Variants in CACNB2 observed in about 807,000 individuals in gnomAD.
CACNB2 encodes the protein calcium voltage-gated channel auxiliary subunit beta 2.
In CACNB2, 42 loss-of-function variants were observed where a neutral mutation model predicts 73.3. That is an observed-to-expected ratio of 0.57 (90% CI 0.45 to 0.74). The LOEUF is 0.74. CACNB2 is among the 30% of genes least tolerant of loss of function. The probability of loss-of-function intolerance (pLI) is 0.00; values close to 1 mark genes in which losing one functional copy is unlikely to be tolerated. For missense variants in CACNB2, 940 were observed against 853.0 expected, an observed-to-expected ratio of 1.10 and a Z score of -1.27; for synonymous variants, 348 against 310.3, an observed-to-expected ratio of 1.12 and a Z score of -1.28.
intron 2 of CACNB2, among the ~76,000 whole-genome samples, chr10:18,293,276 C>A (rs546992546): frequency 1.3e-5 from 2 of 152,170 alleles, no homozygotes; most frequent in Admixed American, 1.3e-4. Context: ...TTCACTTCCT[C>A]TTAGTAAAAC....
At chr10:18,535,727 C>T (rs982748268) in intron 11 of CACNB2, among the ~76,000 whole-genome samples, 12 of 142,984 alleles carry the variant, frequency 8.4e-5, no homozygotes, top group Admixed American at 2.7e-4. Context: ...GAGCCGAGAT[C>T]GCACCACTGC....
intron 2 of CACNB2, among the ~76,000 whole-genome samples, chr10:18,320,567 G>A (rs776113234): frequency 5.3e-5 from 8 of 152,298 alleles, no homozygotes; most frequent in Admixed American, 3.3e-4. Flanking sequence ...TTTAGACTGC[G>A]GGGACATAAT....
At chr10:18,299,669 C>T (rs1189129041) in intron 2 of CACNB2, among the ~76,000 whole-genome samples, 1 of 152,022 alleles carries the variant, frequency 6.6e-6, no homozygotes, top group African/African-American at 2.4e-5. Context: ...AGTGATCGCA[C>T]CACTGCACTC....
rs572000336 is a variant in CACNB2, at chr10:18,406,096, G to C, written c.333+4053G>C. Among the ~76,000 whole-genome samples, 2 of 152,198 alleles carry C rather than the reference G, an allele frequency of 1.3e-5. 1 individual carries two copies. The highest frequency in any genetic ancestry group is 4.1e-4 in the South Asian group (2 of 4,828). On this transcript the variant is annotated intron_variant, in intron 3 of 13. Transcript: ENST00000324631. ...AAAGAAAATGTTAGGCCCAGTTGGT[G>C]AATAGGAGAGACTGCAAGGCCGGAG...
intron 3 of CACNB2, among the ~76,000 whole-genome samples, chr10:18,460,996 C>A (rs940843871): frequency 1.3e-5 from 2 of 151,954 alleles, no homozygotes; most frequent in African/African-American, 4.8e-5. Context: ...ATGGCGTGAT[C>A]TTGGCTCACT....
chr10:18,187,139 C>G (rs1318102441), intron 2 of CACNB2, among the ~76,000 whole-genome samples: 2 of 151,950 alleles, frequency 1.3e-5, no homozygotes, highest in African/African-American at 4.8e-5. Flanking sequence ...AGCTGAGAGG[C>G]AACACAGGAG....
intron 3 of CACNB2, among the ~76,000 whole-genome samples, chr10:18,450,915 G>A (rs1463376979): frequency 1.3e-5 from 2 of 152,146 alleles, no homozygotes; most frequent in Admixed American, 6.5e-5. Context: ...GGGATTACAG[G>A]CATGAGCCAC....
chr10:18,210,831 G>A (rs1015748756), intron 2 of CACNB2, among the ~76,000 whole-genome samples: 1 of 152,164 alleles, frequency 6.6e-6, no homozygotes, highest in Non-Finnish European at 1.5e-5. Context: ...TATATTGCAT[G>A]CACATTATGG....
rs775090095 is a variant in CACNB2 at position 18,500,998 on chromosome 10, T to C, written c.593+50T>C. On this transcript the variant is annotated intron_variant, in intron 5 of 13. Transcript: ENST00000324631. ...GCATAAAACTTAGATTATACCACTA[T>C]CTGTGTACTGTTGTCTGCTGTATTC... 3.2e-6 allele frequency: 5 copies of C among 1,540,072 alleles called. No homozygotes were observed. The Admixed American group carries it at 5.0e-5, about 15-fold the overall frequency.
intron 6 of CACNB2, chr10:18,513,101 CTTTTTTT>C (rs71402179): frequency 1.8e-5 from 2 of 112,964 alleles, no homozygotes; most frequent in Admixed American, 1.0e-4. Flanking sequence ...TGACCATAAC[CTTTTTTT>C]TTTTTTTTTT....
intron 3 of CACNB2, among the ~76,000 whole-genome samples, chr10:18,468,176 C>T (rs149326400): frequency 6.6e-6 from 1 of 152,216 alleles, no homozygotes; most frequent in African/African-American, 2.4e-5. Context: ...CTTAAATATA[C>T]AGGCCAGGTG....
intron 2 of CACNB2, among the ~76,000 whole-genome samples, chr10:18,187,447 A>G (rs1418079600): frequency 6.6e-6 from 1 of 152,242 alleles, no homozygotes; most frequent in Non-Finnish European, 1.5e-5. Flanking sequence ...AATTTCTAAC[A>G]CTTTGTTTGA....
At position 18,325,689 on chromosome 10, in the gene CACNB2, CCCTT is replaced by C. The variant is rs1355342877; in HGVS notation, c.214-76209_214-76206del. ...TTTCTTTCTCTTTCCCTCCCTCCCT[CCCTT>C]CCTTCCTTCCTTCCTTCCTTCCTTC... On this transcript the variant is annotated intron_variant, in intron 2 of 13. Coordinates refer to ENST00000324631, the MANE Select transcript of CACNB2 (RefSeq NM_201596.3). Among the ~76,000 whole-genome samples, 597 of 89,252 alleles carry C rather than the reference CCCTT, an allele frequency of 6.7e-3. 5 individuals carry two copies. The highest frequency in any genetic ancestry group is 0.023 in the South Asian group (57 of 2,468). 58.6% of individuals were successfully genotyped at this position (89,252 alleles called of 152,430 possible). A position where few individuals can be genotyped will look rare whatever the true frequency, so the allele number is the denominator to read the frequency against.
chr10:18,221,174 C>A (rs76132658), intron 2 of CACNB2, among the ~76,000 whole-genome samples: 3 of 152,176 alleles, frequency 2.0e-5, no homozygotes, highest in Non-Finnish European at 2.9e-5. Context: ...TCTTTTTCCT[C>A]GAATCTTAAG....
At position 18,483,943 on chromosome 10, in the gene CACNB2, G is replaced by A. The variant is rs1245773581; in HGVS notation, c.334-14412G>A. 2.6e-5 allele frequency among the ~76,000 whole-genome samples: 4 copies of A among 152,200 alleles called. No individual in the cohort carries two copies. In the East Asian group the frequency reaches 7.7e-4, roughly 29 times the overall value. The stretch of plus-strand genomic sequence containing the variant: ...TACAATTACTGAGTGGAACCGCGGT[G>A]ACAAAAGCGAAAACAACTCAGTGTT... On this transcript the variant is annotated intron_variant, in intron 3 of 13. Coordinates refer to ENST00000324631, the MANE Select transcript of CACNB2 (RefSeq NM_201596.3).
chr10:18,499,488 G>T (rs974482608), intron 4 of CACNB2, among the ~76,000 whole-genome samples: 7 of 151,964 alleles, frequency 4.6e-5, no homozygotes, highest in Non-Finnish European at 8.8e-5. Flanking sequence ...AGTGGCACAT[G>T]CCTGTAATCT....
intron 2 of CACNB2, among the ~76,000 whole-genome samples, chr10:18,329,727 G>A (rs571206579): frequency 2.1e-4 from 32 of 152,118 alleles, no homozygotes; most frequent in Middle Eastern, 3.4e-3. Flanking sequence ...TAGCAATCTT[G>A]TATGTCCTCG....
At chr10:18,397,806 T>C (rs1164048275) in intron 2 of CACNB2, among the ~76,000 whole-genome samples, 2 of 151,814 alleles carry the variant, frequency 1.3e-5, no homozygotes, top group Non-Finnish European at 2.9e-5. Flanking sequence ...GCAATTTTCC[T>C]ATGAGCAATG....
At chr10:18,407,109 CTTTTTTTTTTTTTTTTT>C (rs71507267) in intron 3 of CACNB2, among the ~76,000 whole-genome samples, 1 of 35,572 alleles carries the variant, frequency 2.8e-5, no homozygotes. Flanking sequence ...GCTGTTCTGT[CTTTTTTTTTTTTTTTTT>C]TTTTTTTTTT....
Sources: allele counts gnomAD v4.1 joint callset (sites outside exome capture counted in the v4.1 genomes callset), GRCh38; gene constraint gnomAD v4.1.1; transcripts MANE v1.5; gene names NCBI Gene and HGNC (gene_info 2026-07-23, HGNC 2026-07-21).